SLC26A6: variants seen among roughly 807,000 people sequenced by gnomAD.
SLC26A6 encodes the protein anion exchange transporter.
A neutral mutation model predicts 87.1 loss-of-function variants in SLC26A6; 67 were observed. The observed-to-expected ratio is 0.77, with a 90% CI of 0.63 to 0.94. The LOEUF is 0.94. Ranked by LOEUF, SLC26A6 falls within the 40% of genes least tolerant of loss-of-function variation. SLC26A6 has a pLI of 0.00. For synonymous variants in SLC26A6, 414 were observed against 405.9 expected (o/e 1.02, Z -0.24); for missense variants, 902 against 973.0 (o/e 0.93, Z 0.97).
In SLC26A6 at chr3:48,631,304, G is replaced by T; in HGVS notation, c.906C>A (p.Leu302=). ...PMPIPGELLT[L]IGATGISYGM... ...CATAGGAGATGCCTGTGGCCCCGAT[G>T]AGCTGTGGGAGAGGACAGAGTCAGG... Residue 302 remains leucine (L), a splice_region_variant and synonymous_variant, in exon 8 of 21, where the codon CTC becomes CTA. Coordinates refer to ENST00000395550, the MANE Select transcript of SLC26A6 (RefSeq NM_022911.3). The T allele has an allele frequency of 6.3e-7, 1 of 1,586,988 alleles. No homozygotes were observed. The highest frequency in any genetic ancestry group is 1.2e-5 in the South Asian group (1 of 86,344).
chr3:48,632,170 T>C, intron 5 of SLC26A6, 75 bp downstream of exon 5: 1 of 1,575,818 alleles, frequency 6.3e-7, no homozygotes, highest in Non-Finnish European at 8.6e-7. Context: ...GGTCAGACAC[T>C]CAGGGGAGTA....
At position 48,628,064 on chromosome 3, in the gene SLC26A6, G is replaced by A; in HGVS notation, c.1801-26C>T. ...CTACACCAGGGAAGACAGGGAATGGGAAACAGCTAGCCCGGCTGCCATGAC... is the reference window on the plus strand; with the variant it reads ...CTACACCAGGGAAGACAGGGAATGGAAAACAGCTAGCCCGGCTGCCATGAC... On this transcript the variant is annotated intron_variant, in intron 16 of 20. Transcript: ENST00000395550. This position sits in a 1 kb window ranked among gnomAD's most constrained non-coding sequence, Gnocchi z 4.4. 6.5e-7 allele frequency: 1 copy of A among 1,542,672 alleles called. No individual in the cohort carries two copies. Among genetic ancestry groups the A allele is most frequent in the African/African-American group, 1.4e-5 (1 of 71,888 alleles).
In SLC26A6 at chr3:48,626,985, C is replaced by T. The variant is rs769425176; in HGVS notation, c.1964G>A (p.Gly655Glu). The T allele has an allele frequency of 8.1e-6, 13 of 1,614,048 alleles. No homozygotes were observed. Among genetic ancestry groups the T allele is most frequent in the South Asian group, 2.2e-5 (2 of 91,086 alleles). Reference sequence around the variant, plus strand: ...CAGGCCCAGGGCCTTCAGTGTGGACCCATCTGGGGCCTTGGAGTCTTCTTG... The same window carrying T: ...CAGGCCCAGGGCCTTCAGTGTGGACTCATCTGGGGCCTTGGAGTCTTCTTG... ...NGQEDSKAPD[G>E]STLKALGLPQ... Residue 655 changes from glycine (G) to glutamate (E), a missense_variant, in exon 18 of 21, where the codon GGG (glycine) becomes GAG (glutamate). Coordinates refer to ENST00000395550, the MANE Select transcript of SLC26A6 (RefSeq NM_022911.3).
chr3:48,633,415 G>A (rs1389874788), intron 2 of SLC26A6, 25 bp from the exon 3 acceptor site: 3 of 1,612,936 alleles, frequency 1.9e-6, no homozygotes, highest in East Asian at 4.5e-5. Flanking sequence ...TGAGGGGTAG[G>A]TGTCAGGAAC....
rs1213738658 is a variant in SLC26A6, at chr3:48,625,839, TG to T, written c.*146del. ...TGTCCCAGACCTGGAGCGCTGAACT[TG>T]GAGTCCCAGGACCTCCTTCCCTGAG... On this transcript the variant is annotated 3_prime_UTR_variant, in exon 21 of 21. Transcript: ENST00000395550. This position sits in a 1 kb window ranked among gnomAD's most constrained non-coding sequence, Gnocchi z 4.7. The T allele has an allele frequency of 1.9e-6, 2 of 1,026,058 alleles. No individual in the cohort carries two copies. The highest frequency in any genetic ancestry group is 2.9e-6 in the Non-Finnish European group (2 of 692,192). 63.6% of individuals were successfully genotyped at this position (1,026,058 alleles called of 1,614,324 possible). A position where few individuals can be genotyped will look rare whatever the true frequency, so the allele number is the denominator to read the frequency against.
Position 48,635,383 on chromosome 3 carries a change from G to T in SLC26A6, c.11C>A (p.Ala4Glu). The change falls in exon 1 of 21, where the codon GCG becomes GAG. Residue 4 changes from alanine (A) to glutamate (E), a missense_variant. Transcript: ENST00000395550. MGL[A>E]DASGPRDTQA... ...GCGCTGAACTCACCCCGACGCATCCGCCAGCCCCATGGCTCGCAAGTTGTC... is the reference window on the plus strand; with the variant it reads ...GCGCTGAACTCACCCCGACGCATCCTCCAGCCCCATGGCTCGCAAGTTGTC... 6.3e-7 allele frequency: 1 copy of T among 1,586,782 alleles called. No individual in the cohort carries two copies. The highest frequency in any genetic ancestry group is 8.6e-7 in the Non-Finnish European group (1 of 1,167,764).
At chr3:48,626,516 CCT>C (rs1207835321) in intron 19 of SLC26A6, 113 bp downstream of exon 19, 3 of 1,550,252 alleles carry the variant, frequency 1.9e-6, no homozygotes, top group Non-Finnish European at 2.7e-6. Flanking sequence ...TCCCAGGACA[CCT>C]CTGACCTCCA....
At position 48,633,368 on chromosome 3, in the gene SLC26A6, C is replaced by T. The variant is rs753224485; in HGVS notation, c.205G>A (p.Ala69Thr). ...ACCGGGAGGTGTTGGAGCAGAAGGG[C>T]ATAGGCCCGAGCACGGGAGCACCTA... ...WLQCSRARAY[A>T]LLLQHLPVLV... The change falls in exon 3 of 21, where the codon GCC (alanine) becomes ACC (threonine). Residue 69 changes from alanine (A) to threonine (T), a missense_variant. Transcript: ENST00000395550. The T allele has an allele frequency of 3.1e-6, 5 of 1,613,452 alleles. No homozygotes were observed. In the South Asian group the frequency reaches 4.4e-5, roughly 14 times the overall value.
rs768116453 is a variant in SLC26A6 at position 48,629,936 on chromosome 3, G to C, written c.1465C>G (p.Leu489Val). 9 of 1,614,014 alleles carry C rather than the reference G, an allele frequency of 5.6e-6. No homozygotes were observed. The South Asian group carries it at 9.9e-5, about 18-fold the overall frequency. The stretch of plus-strand genomic sequence containing the variant: ...ACCGCAACCACCAAGCCAAGGTCCA[G>C]GTTCAGCAAGATGGTGGCCGTGAAG... ...VTFTATILLN[L>V]DLGLVVAVIF... The change falls in exon 13 of 21, where the codon CTG (leucine) becomes GTG (valine). Residue 489 changes from leucine (L) to valine (V), a missense_variant. Physicochemically the swap from Leu to Val is conservative, Grantham distance 32. Coordinates refer to ENST00000395550, the MANE Select transcript of SLC26A6 (RefSeq NM_022911.3).
At chr3:48,633,742 A>G (rs1161641195) in intron 1 of SLC26A6, 107 bp from the exon 2 acceptor site, 2 of 1,536,324 alleles carry the variant, frequency 1.3e-6, no homozygotes, top group Middle Eastern at 2.1e-4. Context: ...TCCAGGCCCT[A>G]AGATCAAGGT....
rs1396082454 is a variant in SLC26A6 at position 48,628,006 on chromosome 3, A to G, written c.1833T>C (p.Ile611=). Residue 611 remains isoleucine, a synonymous_variant, in exon 17 of 21, where the codon ATT becomes ATC. Coordinates refer to ENST00000395550, the MANE Select transcript of SLC26A6 (RefSeq NM_022911.3). This position sits in a 1 kb window ranked among gnomAD's most constrained non-coding sequence, Gnocchi z 4.4. The part of the protein sequence containing the change: ...AASPKGASVS[I]NVNTSLEDMR... ...TGTCTTCAAGGCTGGTGTTGACATTAATGGAAACTGAGGCGCCCTTGGGGG... is the reference window on the plus strand; with the variant it reads ...TGTCTTCAAGGCTGGTGTTGACATTGATGGAAACTGAGGCGCCCTTGGGGG... 1.9e-6 allele frequency: 3 copies of G among 1,590,420 alleles called. No individual in the cohort carries two copies. Among genetic ancestry groups the G allele is most frequent in the Non-Finnish European group, 2.6e-6 (3 of 1,172,616 alleles).
Position 48,627,976 on chromosome 3 carries a change from C to T in SLC26A6, c.1863G>A (p.Arg621=), listed in dbSNP as rs774086566. 6.9e-6 allele frequency: 11 copies of T among 1,595,406 alleles called. No homozygotes were observed. In the South Asian group the frequency reaches 1.1e-4, roughly 17 times the overall value. The change falls in exon 17 of 21, where the codon AGG becomes AGA. Residue 621 remains arginine (R), a synonymous_variant. Transcript: ENST00000395550. ...INVNTSLEDM[R]SNNVEDCKMM... ...TCTTGCAGTCCTCAACGTTGTTGCTCCTCATGTCTTCAAGGCTGGTGTTGA... is the reference window on the plus strand; with the variant it reads ...TCTTGCAGTCCTCAACGTTGTTGCTTCTCATGTCTTCAAGGCTGGTGTTGA...
In SLC26A6 at chr3:48,631,809, G is replaced by C. The variant is rs752591895; in HGVS notation, c.751-8C>G. On this transcript the variant is annotated splice_polypyrimidine_tract_variant and splice_region_variant and intron_variant, in intron 6 of 20. Coordinates refer to ENST00000395550, the MANE Select transcript of SLC26A6 (RefSeq NM_022911.3). Reference sequence around the variant, plus strand: ...GCAGACCTCCAGCACTGTCTGAGGAGAGGCCAGGTCACAGCTAGCACTCAA... The same window carrying C: ...GCAGACCTCCAGCACTGTCTGAGGACAGGCCAGGTCACAGCTAGCACTCAA... The C allele has an allele frequency of 6.2e-6, 10 of 1,613,290 alleles. No homozygotes were observed. Among genetic ancestry groups the C allele is most frequent in the Middle Eastern group, 1.6e-4 (1 of 6,080 alleles).
At position 48,629,706 on chromosome 3, in the gene SLC26A6, T is replaced by G. The variant is rs2046726039; in HGVS notation, c.1535A>C (p.His512Pro). Residue 512 changes from histidine (H) to proline (P), a missense_variant, in exon 14 of 21, where the codon CAC becomes CCC. His to Pro is a moderately conservative substitution (Grantham distance 77, BLOSUM62 -2). This residue lies in a region of SLC26A6 where 800 missense variants were observed against 856.8 expected (regional missense o/e 0.93). Coordinates refer to ENST00000395550, the MANE Select transcript of SLC26A6 (RefSeq NM_022911.3). ...TGGCACCTGCCCCAGGACAGAGTAG[T>G]GGGGCCTGTGAAGGAGAGAGAGAAT... ...LLVVVRTQMPHYSVLGQVPDT... is the reference protein window; with the variant it reads ...LLVVVRTQMPPYSVLGQVPDT... 3.1e-6 allele frequency: 5 copies of G among 1,613,102 alleles called. No homozygotes were observed. The highest frequency in any genetic ancestry group is 4.2e-6 in the Non-Finnish European group (5 of 1,179,638).
intron 5 of SLC26A6, 57 bp downstream of exon 5, chr3:48,632,188 G>T: frequency 6.4e-7 from 1 of 1,574,780 alleles, no homozygotes; most frequent in Admixed American, 1.7e-5. Context: ...GTACAGACAG[G>T]ACAGTGGCGG....
intron 1 of SLC26A6, chr3:48,634,873 T>C: frequency 3.9e-6 from 2 of 508,060 alleles, no homozygotes; most frequent in Non-Finnish European, 5.1e-6. Flanking sequence ...TCAGGTCTTC[T>C]TAAAGGGCTC....
chr3:48,627,316 C>A, intron 17 of SLC26A6: 1 of 485,410 alleles, frequency 2.1e-6, no homozygotes, highest in Non-Finnish European at 3.7e-6. Flanking sequence ...AGAAGGGAGT[C>A]CCTGTCCCAT....
At chr3:48,631,203 C>T (rs1185272298) in intron 8 of SLC26A6, 21 bp downstream of exon 8, 1 of 1,611,714 alleles carries the variant, frequency 6.2e-7, no homozygotes, top group African/African-American at 1.3e-5. Flanking sequence ...CCTCCCTGAC[C>T]TGATGGAGGC....
intron 11 of SLC26A6, 98 bp from the exon 12 acceptor site, chr3:48,630,255 C>CAGT: frequency 7.1e-7 from 1 of 1,418,040 alleles, no homozygotes; most frequent in Non-Finnish European, 9.8e-7. Flanking sequence ...AGCACTCAGG[C>CAGT]AGTACCCCAG....
Sources: gnomAD v4.1 joint callset for allele counts on GRCh38, gnomAD v4.1.1 for gene constraint, gnomAD v4.1.1 regional missense constraint, Gnocchi (gnomAD v3.1) non-coding constraint, MANE v1.5 for transcripts, NCBI Gene and HGNC (gene_info 2026-07-23, HGNC 2026-07-21) for gene names.